The following SNX24 variants were observed in gnomAD, a reference collection of about 807,000 sequenced individuals.
SNX24 encodes sorting nexin 24.
SNX24 carries 22 observed loss-of-function variants against 28.7 expected under a neutral mutation model. The observed-to-expected ratio is 0.77, with a 90% CI of 0.55 to 1.10. The LOEUF (loss-of-function observed/expected upper bound fraction) is 1.10. SNX24 is among the 50% of genes least tolerant of loss of function. SNX24 has a pLI of 0.00. For synonymous variants in SNX24, 69 were observed against 71.5 expected (o/e 0.96, Z 0.18); for missense variants, 221 against 201.1 (o/e 1.10, Z -0.60).
intron 3 of SNX24, among the ~76,000 whole-genome samples, chr5:122,952,436 C>T (rs1215780630): frequency 6.6e-6 from 1 of 152,180 alleles, no homozygotes; most frequent in Non-Finnish European, 1.5e-5. Context: ...TAACAACCCC[C>T]TTCGCACTCA....
intron 1 of SNX24, among the ~76,000 whole-genome samples, chr5:122,871,235 A>C (rs749605926): frequency 1.9e-4 from 29 of 152,294 alleles, no homozygotes; most frequent in Non-Finnish European, 3.1e-4. Context: ...AGAGATTCTC[A>C]TGCAATAGGG....
intron 5 of SNX24, among the ~76,000 whole-genome samples, chr5:123,016,734 G>A (rs182563727): frequency 6.6e-5 from 10 of 152,236 alleles, no homozygotes; most frequent in African/African-American, 2.2e-4. Flanking sequence ...AAAGGGAAGG[G>A]AGGAAGAAGT....
chr5:122,951,671 G>A (rs1280833765), intron 3 of SNX24, among the ~76,000 whole-genome samples: 1 of 152,184 alleles, frequency 6.6e-6, no homozygotes, highest in Non-Finnish European at 1.5e-5. Context: ...AGTAGTAGAT[G>A]GGCAAGGAAA....
At chr5:122,900,805 A>G (rs1483861286) in intron 1 of SNX24, among the ~76,000 whole-genome samples, 1 of 152,030 alleles carries the variant, frequency 6.6e-6, no homozygotes, top group Admixed American at 6.6e-5. Flanking sequence ...ACAACAGGGA[A>G]AGGATAAAAT....
chr5:122,845,704 G>T lies in SNX24; in HGVS notation c.60+11G>T, dbSNP rs377327174. On this transcript the variant is annotated intron_variant, in intron 1 of 6. Coordinates refer to ENST00000261369, the MANE Select transcript of SNX24 (RefSeq NM_014035.4). ...GAGCGGGGATACACGGTAGGCGCGGGCCGCGGGCGGACAGGGCCCCGCGAG... is the reference window on the plus strand; with the variant it reads ...GAGCGGGGATACACGGTAGGCGCGGTCCGCGGGCGGACAGGGCCCCGCGAG... 7.3e-7 allele frequency: 1 copy of T among 1,373,464 alleles called. No homozygotes were observed. The highest frequency in any genetic ancestry group is 1.5e-5 in the African/African-American group (1 of 67,484). 85.1% of individuals were successfully genotyped at this position (1,373,464 alleles called of 1,614,324 possible). A position where few individuals can be genotyped will look rare whatever the true frequency, so the allele number is the denominator to read the frequency against.
intron 5 of SNX24, among the ~76,000 whole-genome samples, chr5:123,024,875 C>T (rs1226532336): frequency 6.6e-6 from 1 of 152,146 alleles, no homozygotes; most frequent in Non-Finnish European, 1.5e-5. Context: ...ACAGACTTTA[C>T]AGTAACCAGT....
At chr5:123,012,770 T>G (rs1762613270), downstream of SNX24, among the ~76,000 whole-genome samples, 2 of 152,218 alleles carry the variant, frequency 1.3e-5, no homozygotes, top group South Asian at 4.1e-4. Context: ...GGAGAGCTTT[T>G]GGCACACATA....
intron 1 of SNX24, among the ~76,000 whole-genome samples, chr5:122,908,988 A>AT: frequency 6.6e-6 from 1 of 152,296 alleles, no homozygotes; most frequent in East Asian, 1.9e-4. Flanking sequence ...AAAGGTTGTG[A>AT]TTGCGAGACT....
At chr5:122,916,667 A>C (rs1758183111) in intron 1 of SNX24, among the ~76,000 whole-genome samples, 1 of 151,952 alleles carries the variant, frequency 6.6e-6, no homozygotes, top group Admixed American at 6.6e-5. Flanking sequence ...GCCCTTACTG[A>C]CTCACTTTAA....
At chr5:122,864,693 C>A (rs1025752263) in intron 1 of SNX24, among the ~76,000 whole-genome samples, 1 of 152,158 alleles carries the variant, frequency 6.6e-6, no homozygotes, top group Non-Finnish European at 1.5e-5. Context: ...GCCAGTTTAT[C>A]GATGTGGGTG....
chr5:122,979,167 G>T lies in SNX24; in HGVS notation c.250-20745G>T, dbSNP rs371107726. ...CGGGTATTGATTAACTATCACGCTG[G>T]CATCAGAACTACTCTTAGGATTCAA... On this transcript the variant is annotated intron_variant, in intron 3 of 6. Coordinates refer to ENST00000261369, the MANE Select transcript of SNX24 (RefSeq NM_014035.4). Among the ~76,000 whole-genome samples the T allele has an allele frequency of 3.9e-5, 6 of 152,292 alleles. No homozygotes were observed. The East Asian group carries it at 1.2e-3, about 29-fold the overall frequency.
intron 1 of SNX24, among the ~76,000 whole-genome samples, chr5:122,854,527 A>C (rs75416486): frequency 4.5e-4 from 58 of 127,800 alleles, no homozygotes; most frequent in South Asian, 2.5e-3. Context: ...AAAAAAAAAA[A>C]CAAAAAAAAA....
intron 1 of SNX24, among the ~76,000 whole-genome samples, chr5:122,932,434 T>A (rs1758992717): frequency 6.6e-6 from 1 of 152,142 alleles, no homozygotes; most frequent in Non-Finnish European, 1.5e-5. Flanking sequence ...GCCCAGGAGT[T>A]TGAGTCCAGC....
chr5:122,982,208 A>G (rs931084485), intron 3 of SNX24, among the ~76,000 whole-genome samples: 5 of 152,214 alleles, frequency 3.3e-5, no homozygotes, highest in African/African-American at 4.8e-5. Context: ...TGTCAAGGGC[A>G]TGCCAGTGCT....
At chr5:122,884,756 G>T (rs1581704124) in intron 1 of SNX24, among the ~76,000 whole-genome samples, 1 of 152,094 alleles carries the variant, frequency 6.6e-6, no homozygotes, top group Non-Finnish European at 1.5e-5. Context: ...GTCGAGGAGT[G>T]GGGGTGCTCT....
At chr5:122,914,869 G>T (rs1329385011) in intron 1 of SNX24, among the ~76,000 whole-genome samples, 1 of 152,096 alleles carries the variant, frequency 6.6e-6, no homozygotes, top group Non-Finnish European at 1.5e-5. Flanking sequence ...GCTTTGATGA[G>T]TGAGTTGAGA....
At chr5:122,992,126 T>C (rs75565999) in intron 3 of SNX24, among the ~76,000 whole-genome samples, 2,037 of 152,270 alleles carry the variant, frequency 0.013, 39 homozygotes, top group African/African-American at 0.032. Flanking sequence ...CGAACAGTAG[T>C]TTTGAAGCTA....
intron 5 of SNX24, 55 bp from the exon 6 acceptor site, chr5:123,001,884 GT>G: frequency 6.9e-7 from 1 of 1,458,264 alleles, no homozygotes; most frequent in Non-Finnish European, 9.6e-7. Context: ...AGTTTGTAGT[GT>G]TTTCTGTTTA....
At chr5:122,920,065 A>G (rs190067517) in intron 1 of SNX24, among the ~76,000 whole-genome samples, 126 of 152,336 alleles carry the variant, frequency 8.3e-4, no homozygotes, top group Middle Eastern at 6.8e-3. Flanking sequence ...ACATCTAGAA[A>G]GTAGAAAATT....
Sources: allele counts gnomAD v4.1 joint callset (sites outside exome capture counted in the v4.1 genomes callset), GRCh38; gene constraint gnomAD v4.1.1; transcripts MANE v1.5; gene names NCBI Gene and HGNC (gene_info 2026-07-23, HGNC 2026-07-21).